HNRNPR: variants seen among roughly 807,000 people sequenced by gnomAD.
The protein encoded by HNRNPR is heterogeneous nuclear ribonucleoprotein R.
In HNRNPR, 4 loss-of-function variants were observed where a neutral mutation model predicts 70.3. The observed-to-expected ratio is 0.06, with a 90% CI of 0.03 to 0.13. The LOEUF (loss-of-function observed/expected upper bound fraction) is 0.13. HNRNPR is among the 10% of genes least tolerant of loss of function. The pLI is 1.00. For synonymous variants in HNRNPR, 241 were observed against 267.6 expected, an observed-to-expected ratio of 0.90 and a Z score of 0.97; for missense variants, 423 against 788.5, an observed-to-expected ratio of 0.54 and a Z score of 5.55.
Position 23,321,604 on chromosome 1 carries a change from G to A in HNRNPR, c.735C>T (p.Asn245=). The A allele has an allele frequency of 6.2e-7, 1 of 1,613,710 alleles. No individual in the cohort carries two copies. Among genetic ancestry groups the A allele is most frequent in the Non-Finnish European group, 8.5e-7 (1 of 1,179,730 alleles). Residue 245 remains asparagine (N), a synonymous_variant, in exon 7 of 11, where the codon AAC becomes AAT. Transcript: ENST00000302271. Reference sequence around the variant, plus strand: ...GAATGGATCCAACAAAAAGTCTGTTGTTTGCCACAGAAATGCACACTCCAA... The same window carrying A: ...GAATGGATCCAACAAAAAGTCTGTTATTTGCCACAGAAATGCACACTCCAA... ...KHLGVCISVA[N]NRLFVGSIPK...
chr1:23,323,858 G>C (rs1379009205), intron 5 of HNRNPR, 126 bp from the exon 6 acceptor site: 1 of 735,418 alleles, frequency 1.4e-6, no homozygotes, highest in Non-Finnish European at 2.3e-6. Context: ...GAAACAATCT[G>C]AAACTTACAG....
At chr1:23,340,346 C>T (rs918853172) in intron 2 of HNRNPR, among the ~76,000 whole-genome samples, 1 of 151,406 alleles carries the variant, frequency 6.6e-6, no homozygotes, top group Admixed American at 6.6e-5. Flanking sequence ...TACAACCAAA[C>T]ACTTCCAAAT....
At position 23,307,105 on chromosome 1, in the gene HNRNPR, A is replaced by G. The variant is rs561346693; in HGVS notation, c.*3349T>C. On this transcript the variant is annotated 3_prime_UTR_variant, in exon 11 of 11. Transcript: ENST00000302271. ...AGAATATTGGTAGCTCAGTATAATA[A>G]AATTATCTTTGAAAAATCAAAATGA... The G allele has an allele frequency of 6.6e-6, 1 of 152,310 alleles. No homozygotes were observed. The highest frequency in any genetic ancestry group is 1.5e-5 in the Non-Finnish European group (1 of 68,004). 9.4% of individuals were successfully genotyped at this position (152,310 alleles called of 1,614,324 possible).
chr1:23,307,456 A>T lies in HNRNPR; in HGVS notation c.*2998T>A, dbSNP rs1645219349. The T allele has an allele frequency of 6.6e-6, 1 of 152,086 alleles. No individual in the cohort carries two copies. Among genetic ancestry groups the T allele is most frequent in the Non-Finnish European group, 1.5e-5 (1 of 67,958 alleles). 9.4% of individuals were successfully genotyped at this position (152,086 alleles called of 1,614,324 possible). A position where few individuals can be genotyped will look rare whatever the true frequency, so the allele number is the denominator to read the frequency against. ...AGAAAAATTATCTCCTACTATCAGA[A>T]AGCATTGGGCTTTCTTATGCAGAAT... On this transcript the variant is annotated 3_prime_UTR_variant, in exon 11 of 11. Coordinates refer to ENST00000302271, the MANE Select transcript of HNRNPR (RefSeq NM_005826.5).
At chr1:23,328,689 G>A (rs1277919383) in intron 5 of HNRNPR, among the ~76,000 whole-genome samples, 1 of 152,122 alleles carries the variant, frequency 6.6e-6, no homozygotes, top group Non-Finnish European at 1.5e-5. Context: ...TAGGAGAGAT[G>A]GGGTTTCAAC....
chr1:23,316,320 A>G (rs1226796982), intron 8 of HNRNPR, among the ~76,000 whole-genome samples: 1 of 152,184 alleles, frequency 6.6e-6, no homozygotes, highest in African/African-American at 2.4e-5. Context: ...CTTTTAAAAA[A>G]AAGAAACAAT....
At chr1:23,340,283 A>G (rs1646662784) in intron 2 of HNRNPR, among the ~76,000 whole-genome samples, 1 of 151,972 alleles carries the variant, frequency 6.6e-6, no homozygotes, top group East Asian at 1.9e-4. Context: ...AAATTTGCTT[A>G]AGCACTTAAC....
chr1:23,335,193 C>T (rs1450778692), intron 4 of HNRNPR, among the ~76,000 whole-genome samples: 4 of 152,242 alleles, frequency 2.6e-5, no homozygotes, highest in Admixed American at 1.3e-4. Flanking sequence ...GCTGGGATTA[C>T]AGGCGTGAGC....
At chr1:23,327,520 T>C (rs189273188) in intron 5 of HNRNPR, among the ~76,000 whole-genome samples, 26 of 152,154 alleles carry the variant, frequency 1.7e-4, no homozygotes, top group African/African-American at 5.5e-4. Context: ...AAACCCTGTC[T>C]GTAACTAAAA....
chr1:23,333,537 T>G lies in HNRNPR; in HGVS notation c.479A>C (p.Gln160Pro), dbSNP rs1438789863. The G allele has an allele frequency of 6.2e-7, 1 of 1,610,836 alleles. No individual in the cohort carries two copies. The highest frequency in any genetic ancestry group is 1.7e-5 in the Admixed American group (1 of 60,022). ...PPPDSVYSGV[Q>P]PGIGTEVFVG... ...ACTTACCTCCGTTCCAATTCCAGGTTGCACGCCAGAGTACACACTGTCTGG... is the reference window on the plus strand; with the variant it reads ...ACTTACCTCCGTTCCAATTCCAGGTGGCACGCCAGAGTACACACTGTCTGG... Residue 160 changes from glutamine to proline, a missense_variant, in exon 5 of 11, where the codon CAA becomes CCA. Physicochemically the swap from Gln to Pro is moderately conservative, Grantham distance 76 (BLOSUM62 -1). This residue lies in a region of HNRNPR where 118 missense variants were observed against 239.3 expected (regional missense o/e 0.49). Coordinates refer to ENST00000302271, the MANE Select transcript of HNRNPR (RefSeq NM_005826.5).
intron 8 of HNRNPR, among the ~76,000 whole-genome samples, chr1:23,315,141 G>C (rs1645481829): frequency 6.6e-6 from 1 of 151,864 alleles, no homozygotes; most frequent in Non-Finnish European, 1.5e-5. Flanking sequence ...TTAGCCGGGC[G>C]TGGTAGGAGG....
chr1:23,310,521 C>A lies in HNRNPR; in HGVS notation c.1835G>T (p.Gly612Val), dbSNP rs747694069. ...QPLQQGGDYS[G>V]NYGYNNDNQE... The stretch of plus-strand genomic sequence containing the variant: ...GTTGTCATTATTGTAACCATAGTTA[C>A]CAGAATAGTCACCACCTTGCTGAAG... The change falls in exon 11 of 11, where the codon GGT becomes GTT. Residue 612 changes from glycine to valine, a missense_variant. Physicochemically the swap from Gly to Val is moderately radical, Grantham distance 109. Transcript: ENST00000302271. This position sits in a 1 kb window ranked among gnomAD's most constrained non-coding sequence, Gnocchi z 6.0. 2 of 1,613,864 alleles carry A rather than the reference C, an allele frequency of 1.2e-6. No individual in the cohort carries two copies. The highest frequency in any genetic ancestry group is 2.7e-5 in the African/African-American group (2 of 74,894).
At chr1:23,314,220 A>G (rs1386477850) in intron 8 of HNRNPR, among the ~76,000 whole-genome samples, 1 of 152,180 alleles carries the variant, frequency 6.6e-6, no homozygotes, top group African/African-American at 2.4e-5. Flanking sequence ...ATACACAAGG[A>G]TAAACTCCAA....
intron 5 of HNRNPR, among the ~76,000 whole-genome samples, chr1:23,331,217 G>C (rs190318442): frequency 6.6e-6 from 1 of 152,058 alleles, no homozygotes; most frequent in Non-Finnish European, 1.5e-5. Context: ...AAGAGAATGC[G>C]TATGTGTTTT....
At chr1:23,321,503 A>G in intron 7 of HNRNPR, 25 bp downstream of exon 7, 2 of 1,603,754 alleles carry the variant, frequency 1.2e-6, no homozygotes, top group Non-Finnish European at 1.7e-6. Flanking sequence ...CGCAAAAGTA[A>G]TTTCTAAATA....
At chr1:23,342,048 G>C (rs1467383187) in intron 1 of HNRNPR, among the ~76,000 whole-genome samples, 1 of 152,128 alleles carries the variant, frequency 6.6e-6, no homozygotes, top group Non-Finnish European at 1.5e-5. Flanking sequence ...AGCAGAACAA[G>C]ACATTGCAAC....
At chr1:23,338,200 A>C in intron 3 of HNRNPR, 1 of 307,928 alleles carries the variant, frequency 3.2e-6, no homozygotes, top group Non-Finnish European at 5.9e-6. Flanking sequence ...TAACCCCCAA[A>C]TGTTAAAAAG....
chr1:23,324,637 C>G (rs553869208), intron 5 of HNRNPR, among the ~76,000 whole-genome samples: 1 of 152,138 alleles, frequency 6.6e-6, no homozygotes, highest in Middle Eastern at 3.4e-3. Flanking sequence ...TCAATCTATT[C>G]CTCTCTCTAT....
At chr1:23,323,915 T>A (rs1229534127) in intron 5 of HNRNPR, among the ~76,000 whole-genome samples, 183 bp from the exon 6 acceptor site, 1 of 152,176 alleles carries the variant, frequency 6.6e-6, no homozygotes, top group African/African-American at 2.4e-5. Context: ...GACCTTAGGG[T>A]TATCAAAGAA....
Sources: gnomAD v4.1 joint callset for allele counts (sites outside exome capture counted in the v4.1 genomes callset) on GRCh38, gnomAD v4.1.1 for gene constraint, gnomAD v4.1.1 regional missense constraint, Gnocchi (gnomAD v3.1) non-coding constraint, MANE v1.5 for transcripts, NCBI Gene and HGNC (gene_info 2026-07-23, HGNC 2026-07-21) for gene names.